GIPC2: variants seen among roughly 807,000 people sequenced by gnomAD.
GIPC2 encodes GIPC PDZ domain containing family member 2.
GIPC2 carries 30 observed loss-of-function variants against 30.6 expected under a neutral mutation model. The ratio of observed to expected loss-of-function variants is 0.98; its 90% CI spans 0.73 to 1.33. GIPC2 has a LOEUF of 1.33. Among genes scored for constraint, GIPC2 ranks in the 40% most tolerant of loss-of-function variants. GIPC2 has a pLI of 0.00. For missense variants in GIPC2, 414 were observed against 390.3 expected, an observed-to-expected ratio of 1.06 and a Z score of -0.51; for synonymous variants, 167 against 150.0, an observed-to-expected ratio of 1.11 and a Z score of -0.83.
intron 1 of GIPC2, among the ~76,000 whole-genome samples, chr1:78,056,895 A>G (rs1333014979): frequency 6.6e-6 from 1 of 152,110 alleles, no homozygotes; most frequent in Non-Finnish European, 1.5e-5. Flanking sequence ...TAATCTATAG[A>G]TTCCCCTTCG....
intron 2 of GIPC2, chr1:78,091,489 C>T (rs1434208687): frequency 2.9e-6 from 2 of 685,778 alleles, no homozygotes; most frequent in Non-Finnish European, 5.4e-6. Flanking sequence ...TTTCACCTCC[C>T]GCTGCGCTAA....
At chr1:78,114,468 GATTGATTTATGTACCTGGATCAT>G (rs1662530645) in intron 3 of GIPC2, among the ~76,000 whole-genome samples, 1 of 152,192 alleles carries the variant, frequency 6.6e-6, no homozygotes, top group Non-Finnish European at 1.5e-5. Flanking sequence ...TCTATAAACA[GATTGATTTATGTACCTGGATCAT>G]AGGCTCATAG....
rs867190891 is a variant in GIPC2 at position 78,057,659 on chromosome 1, C to T, written c.240+11325C>T. Among the ~76,000 whole-genome samples the T allele has an allele frequency of 2.2e-4, 33 of 152,244 alleles. 1 individual carries two copies. The South Asian group carries it at 2.5e-3, about 11-fold the overall frequency. Reference sequence around the variant, plus strand: ...ATTTGTACATGTTATGAATTTATAGCTGGAAAGAGTGATTATAATACAGTT... The same window carrying T: ...ATTTGTACATGTTATGAATTTATAGTTGGAAAGAGTGATTATAATACAGTT... On this transcript the variant is annotated intron_variant, in intron 1 of 5. Coordinates refer to ENST00000370759, the MANE Select transcript of GIPC2 (RefSeq NM_017655.6).
At position 78,117,225 on chromosome 1, in the gene GIPC2, A is replaced by G. The variant is rs368285694; in HGVS notation, c.608-2168A>G. ...AAAGAAGACATATTGCCTAGGTTCT[A>G]AGTAAGAATGCAGGCCACTTCATGT... On this transcript the variant is annotated intron_variant, in intron 3 of 5. Coordinates refer to ENST00000370759, the MANE Select transcript of GIPC2 (RefSeq NM_017655.6). Among the ~76,000 whole-genome samples the G allele has an allele frequency of 6.5e-4, 99 of 152,358 alleles. No individual in the cohort carries two copies. In the Middle Eastern group the frequency reaches 0.02, roughly 31 times the overall value.
intron 2 of GIPC2, chr1:78,092,093 G>A (rs955748736): frequency 1.5e-6 from 2 of 1,292,912 alleles, no homozygotes; most frequent in African/African-American, 1.5e-5. Context: ...TGTGTCTGTG[G>A]GTGGCCTGTG....
At chr1:78,076,946 T>A (rs1216249642) in intron 1 of GIPC2, among the ~76,000 whole-genome samples, 3 of 151,732 alleles carry the variant, frequency 2.0e-5, no homozygotes, top group Non-Finnish European at 4.4e-5. Context: ...TTTTTTTTTT[T>A]ATTTTTAGAG....
chr1:78,051,368 A>G (rs72687112), intron 1 of GIPC2, among the ~76,000 whole-genome samples: 3,998 of 152,314 alleles, frequency 0.026, 72 homozygotes, highest in Non-Finnish European at 0.041. Flanking sequence ...ACTTGTTTAG[A>G]TTAGTTTGCG....
intron 4 of GIPC2, among the ~76,000 whole-genome samples, chr1:78,122,286 T>C (rs1662696559): frequency 6.6e-6 from 1 of 152,218 alleles, no homozygotes; most frequent in Non-Finnish European, 1.5e-5. Context: ...TCAAACACTT[T>C]AAGAATTTAA....
At chr1:78,115,973 G>A (rs1480554846) in intron 3 of GIPC2, among the ~76,000 whole-genome samples, 1 of 152,128 alleles carries the variant, frequency 6.6e-6, no homozygotes, top group African/African-American at 2.4e-5. Context: ...AATTATCCTG[G>A]TTTATTAGTC....
rs1231227109 is a variant in GIPC2, at chr1:78,080,731, A to G, written c.297A>G (p.Gly99=). 6.2e-7 allele frequency: 1 copy of G among 1,608,724 alleles called. No homozygotes were observed. Among genetic ancestry groups the G allele is most frequent in the Non-Finnish European group, 8.5e-7 (1 of 1,175,342 alleles). Reference sequence around the variant, plus strand: ...TTGACATGGAAAGACTCTTAGGAGGACAACTAGGACTAGAAGATTTCATAT... The same window carrying G: ...TTGACATGGAAAGACTCTTAGGAGGGCAACTAGGACTAGAAGATTTCATAT... The part of the protein sequence containing the change: ...PKIDMERLLG[G]QLGLEDFIFA... Residue 99 remains glycine (G), a synonymous_variant, in exon 2 of 6, where the codon GGA becomes GGG. Transcript: ENST00000370759.
intron 3 of GIPC2, among the ~76,000 whole-genome samples, chr1:78,099,443 C>CTTT (rs1300122222): frequency 4.9e-5 from 7 of 143,526 alleles, no homozygotes; most frequent in Admixed American, 7.0e-5. Flanking sequence ...TTTTCTCTTT[C>CTTT]TTTTTTTTTT....
chr1:78,054,581 T>C (rs2102636486), intron 1 of GIPC2, among the ~76,000 whole-genome samples: 1 of 152,322 alleles, frequency 6.6e-6, no homozygotes, highest in African/African-American at 2.4e-5. Context: ...TCAGTTTAAA[T>C]GGAATATAAT....
intron 1 of GIPC2, among the ~76,000 whole-genome samples, chr1:78,049,928 G>C (rs142516168): frequency 0.018 from 2,235 of 122,640 alleles, 57 homozygotes; most frequent in South Asian, 0.11. Flanking sequence ...ATGGAGTCTA[G>C]CTCTGTCGCC....
At chr1:78,103,093 G>C (rs1281491095) in intron 3 of GIPC2, among the ~76,000 whole-genome samples, 1 of 152,198 alleles carries the variant, frequency 6.6e-6, no homozygotes, top group African/African-American at 2.4e-5. Context: ...GCTAGTGAGC[G>C]AGGGAGGCAC....
At chr1:78,111,171 T>C (rs949137342) in intron 3 of GIPC2, among the ~76,000 whole-genome samples, 2 of 152,192 alleles carry the variant, frequency 1.3e-5, no homozygotes, top group Non-Finnish European at 2.9e-5. Flanking sequence ...GGGAGCTGCA[T>C]GTTTACTTTT....
chr1:78,109,727 G>GT lies in GIPC2; in HGVS notation c.608-9657dup, dbSNP rs200260480. On this transcript the variant is annotated intron_variant, in intron 3 of 5. Transcript: ENST00000370759. ...GACTATCCCTAGATGAATATAGTGTGTTTTTTTTTCTTTTGAAATAAAATT... is the reference window on the plus strand; with the variant it reads ...GACTATCCCTAGATGAATATAGTGTGTTTTTTTTTTCTTTTGAAATAAAATT... Among the ~76,000 whole-genome samples, 286 of 150,972 alleles carry GT rather than the reference G, an allele frequency of 1.9e-3. 1 individual carries two copies. The highest frequency in any genetic ancestry group is 6.4e-3 in the African/African-American group (262 of 41,120).
At chr1:78,114,688 C>T (rs186134447) in intron 3 of GIPC2, among the ~76,000 whole-genome samples, 1 of 151,788 alleles carries the variant, frequency 6.6e-6, no homozygotes, top group Non-Finnish European at 1.5e-5. Flanking sequence ...ATTTTTAGGG[C>T]AGTAACACCA....
At chr1:78,059,831 G>A (rs1167846550) in intron 1 of GIPC2, among the ~76,000 whole-genome samples, 4 of 152,156 alleles carry the variant, frequency 2.6e-5, no homozygotes, top group Admixed American at 2.6e-4. Flanking sequence ...ATCACTTCTT[G>A]TTAGAGACGT....
At chr1:78,111,915 A>G (rs1292744708) in intron 3 of GIPC2, among the ~76,000 whole-genome samples, 2 of 152,260 alleles carry the variant, frequency 1.3e-5, no homozygotes, top group African/African-American at 4.8e-5. Context: ...GGATAACAGT[A>G]CAGATTGAAC....
Sources: gnomAD v4.1 joint callset for allele counts (sites outside exome capture counted in the v4.1 genomes callset) on GRCh38, gnomAD v4.1.1 for gene constraint, MANE v1.5 for transcripts, NCBI Gene and HGNC (gene_info 2026-07-23, HGNC 2026-07-21) for gene names.